The following KIAA1210 variants were observed in gnomAD, a reference collection of about 807,000 sequenced individuals.
The protein encoded by KIAA1210 is acrosomal protein KIAA1210.
In KIAA1210, 48 loss-of-function variants were observed where a neutral mutation model predicts 78.9. That is an observed-to-expected ratio of 0.61 (90% confidence interval 0.48 to 0.77). The LOEUF (loss-of-function observed/expected upper bound fraction) is 0.77, where lower values mean the gene tolerates loss of function less well. Ranked by LOEUF, KIAA1210 falls within the 30% of genes least tolerant of loss-of-function variation. KIAA1210 has a pLI of 0.00. For synonymous variants in KIAA1210, 406 were observed against 404.5 expected (o/e 1.00, Z -0.04); for missense variants, 1,108 against 1,100.0 (o/e 1.01, Z -0.10).
chrX:119,081,575 T>C (rs754189060), intron 11 of KIAA1210, 71 bp from the exon 12 acceptor site: 45 of 993,752 alleles, frequency 4.5e-5, no homozygotes, highest in Non-Finnish European at 5.4e-5. Context: ...GTTTATGGAA[T>C]GCCATATAAT....
Position 119,109,151 on chromosome X carries a change from C to A in KIAA1210, c.282G>T (p.Met94Ile), listed in dbSNP as rs762828967. Reference sequence around the variant, plus strand: ...CTGATCTTTCAGGCTCAGGACCCAACATGAAGATGCTATCATGGGATAGGG... The same window carrying A: ...CTGATCTTTCAGGCTCAGGACCCAAAATGAAGATGCTATCATGGGATAGGG... ...SKALSHDSIF[M>I]LGPEPERSAS... Residue 94 changes from methionine to isoleucine, a missense_variant, in exon 4 of 12, where the codon ATG (methionine) becomes ATT (isoleucine). Around this residue, in one of 5 missense-constraint regions of KIAA1210, gnomAD observed 672 missense variants for 607.1 expected, o/e 1.11. Coordinates refer to ENST00000691062, the MANE Select transcript of KIAA1210 (RefSeq NM_001394962.1). 1.1e-5 allele frequency: 13 copies of A among 1,206,927 alleles called. No homozygotes were observed. The Admixed American group carries it at 2.0e-4, about 18-fold the overall frequency.
chrX:119,086,521 C>T (rs1927138189), intron 9 of KIAA1210, 25 bp downstream of exon 9: 1 of 1,150,728 alleles, frequency 8.7e-7, no homozygotes, highest in Non-Finnish European at 1.2e-6. Context: ...TATCTGCTTG[C>T]CATCTGGAGA....
At chrX:119,115,804 T>A (rs1461529039) in intron 3 of KIAA1210, among the ~76,000 whole-genome samples, 1 of 111,795 alleles carries the variant, frequency 8.9e-6, no homozygotes, top group East Asian at 2.8e-4. Context: ...CACAATAGGA[T>A]GTGGAAATTT....
chrX:119,150,455 T>A, exon 1 of KIAA1210: 1 of 1,211,753 alleles, frequency 8.3e-7, no homozygotes, highest in East Asian at 3.0e-5. Flanking sequence ...GCCTTGGGAA[T>A]ACGCTCGACT....
chrX:119,133,728 G>C (rs1312574039), intron 2 of KIAA1210, among the ~76,000 whole-genome samples: 1 of 107,347 alleles, frequency 9.3e-6, no homozygotes, highest in Non-Finnish European at 1.9e-5. Flanking sequence ...GAGTGCAGTG[G>C]TGGAGGAGAA....
Position 119,079,047 on chromosome X carries a change from A to G in KIAA1210, c.*2282T>C, listed in dbSNP as rs1433094943. On this transcript the variant is annotated 3_prime_UTR_variant, in exon 12 of 12. Coordinates refer to ENST00000691062, the MANE Select transcript of KIAA1210 (RefSeq NM_001394962.1). ...TGGGAATACAAAGGAAATAAAATTC[A>G]CTCAATCAAAATAGCATTATCAAAA... 1 of 112,866 alleles carries G rather than the reference A, an allele frequency of 8.9e-6. No individual in the cohort carries two copies. The highest frequency in any genetic ancestry group is 3.2e-5 in the African/African-American group (1 of 31,073). 9.3% of individuals were successfully genotyped at this position (112,866 alleles called of 1,213,427 possible).
Position 119,081,336 on chromosome X carries a change from G to A in KIAA1210, c.4595C>T (p.Thr1532Met), listed in dbSNP as rs377275386. ...AKAWSHMAEI[T>M]Q ...GCTCCACACAAGAGCTCTTTATTGC[G>A]TGATTTCTGCCATGTGGCTCCATGC... is the stretch of plus-strand genomic sequence containing the variant. The change falls in exon 12 of 12, where the codon ACG becomes ATG. Residue 1532 changes from threonine (T) to methionine (M), a missense_variant. Thr to Met is a moderately conservative substitution (Grantham distance 81). Coordinates refer to ENST00000691062, the MANE Select transcript of KIAA1210 (RefSeq NM_001394962.1). The A allele has an allele frequency of 1.0e-4, 123 of 1,186,591 alleles. No individual in the cohort carries two copies. Among genetic ancestry groups the A allele is most frequent in the Admixed American group, 6.5e-4 (28 of 42,985 alleles).
In KIAA1210 at chrX:119,108,346, C is replaced by G. The variant is rs1927953079; in HGVS notation, c.483G>C (p.Lys161Asn). Residue 161 changes from lysine to asparagine, a missense_variant, in exon 5 of 12, where the codon AAG becomes AAC. By Grantham distance (94) the Lys-to-Asn change is moderately conservative. Transcript: ENST00000691062. ...PTSAVWVAGP[K>N]ITENPPSRRR... is the part of the protein sequence containing the mutation. ...AATTCCACTTTGTTACCTCAGTGAT[C>G]TTGGGGCCAGCAACCCAGACTGCAC... The G allele has an allele frequency of 2.5e-6, 3 of 1,207,505 alleles. No homozygotes were observed. Among genetic ancestry groups the G allele is most frequent in the Non-Finnish European group, 3.4e-6 (3 of 894,206 alleles).
At chrX:119,100,483 C>A (rs759764522) in intron 6 of KIAA1210, among the ~76,000 whole-genome samples, 9 of 110,949 alleles carry the variant, frequency 8.1e-5, no homozygotes, top group African/African-American at 2.9e-4. Flanking sequence ...TTTCCATCCT[C>A]ACTCCCCTCC....
At chrX:119,091,474 C>G (rs980221938) in intron 8 of KIAA1210, among the ~76,000 whole-genome samples, 69 of 112,278 alleles carry the variant, frequency 6.1e-4, no homozygotes, top group African/African-American at 2.2e-3. Flanking sequence ...ATGGAATCAA[C>G]CTAAGTGCCC....
chrX:119,097,505 C>T (rs1002669597), intron 6 of KIAA1210, among the ~76,000 whole-genome samples: 4 of 112,114 alleles, frequency 3.6e-5, no homozygotes, highest in African/African-American at 9.7e-5. Flanking sequence ...AGCTGATAAA[C>T]TGTCTCTGCT....
chrX:119,138,730 C>A (rs1321195736), intron 2 of KIAA1210, among the ~76,000 whole-genome samples: 1 of 111,654 alleles, frequency 9.0e-6, no homozygotes, highest in Non-Finnish European at 1.9e-5. Flanking sequence ...AGAAAAGTGG[C>A]AGTGAACCCC....
intron 2 of KIAA1210, among the ~76,000 whole-genome samples, chrX:119,117,402 T>C (rs1251966893): frequency 9.0e-6 from 1 of 110,647 alleles, no homozygotes; most frequent in Non-Finnish European, 1.9e-5. Flanking sequence ...ATGATGATCA[T>C]TGTGTGTGTT....
chrX:119,088,939 G>A lies in KIAA1210; in HGVS notation c.1763C>T (p.Pro588Leu). ...CCTTGAGGACTGAAAAAGGCTTCTG[G>A]GAGGCAGAGTCTTGGCATAAACATC... ...KGDVYAKTLP[P>L]RSLFQSSRKP... The change falls in exon 9 of 12, where the codon CCC becomes CTC. Residue 588 changes from proline to leucine, a missense_variant. Physicochemically the swap from Pro to Leu is moderately conservative, Grantham distance 98. Around this residue, in one of 5 missense-constraint regions of KIAA1210, gnomAD observed 672 missense variants for 607.1 expected, o/e 1.11. Transcript: ENST00000691062. 8.3e-7 allele frequency: 1 copy of A among 1,211,387 alleles called. No homozygotes were observed.
intron 2 of KIAA1210, among the ~76,000 whole-genome samples, chrX:119,144,836 G>C (rs551446810): frequency 8.9e-6 from 1 of 111,734 alleles, no homozygotes; most frequent in African/African-American, 3.3e-5. Context: ...TTGTTTTACA[G>C]ATGAGAAAAC....
At chrX:119,098,055 T>C (rs906922440) in intron 6 of KIAA1210, among the ~76,000 whole-genome samples, 2 of 111,934 alleles carry the variant, frequency 1.8e-5, no homozygotes, top group Non-Finnish European at 3.8e-5. Context: ...AGTGGTGTCA[T>C]AGTTCTGGTC....
At chrX:119,086,406 C>T in intron 9 of KIAA1210, 140 bp downstream of exon 9, 1 of 554,554 alleles carries the variant, frequency 1.8e-6, no homozygotes, top group South Asian at 3.7e-5. Flanking sequence ...CACTATTTTG[C>T]TCCCAAACTC....
rs1207371483 is a variant in KIAA1210 at position 119,088,282 on chromosome X, G to C, written c.2420C>G (p.Pro807Arg). 7.4e-6 allele frequency: 9 copies of C among 1,211,420 alleles called. No individual in the cohort carries two copies. Among genetic ancestry groups the C allele is most frequent in the Non-Finnish European group, 8.9e-6 (8 of 895,305 alleles). Reference sequence around the variant, plus strand: ...CATCAAGGGCTGGCAAAGAAGTTTAGGAGGCAGAGGCTTCATAGAAATGCT... The same window carrying C: ...CATCAAGGGCTGGCAAAGAAGTTTACGAGGCAGAGGCTTCATAGAAATGCT... ...EESISMKPLP[P>R]KLLCQPLMNP... is the part of the protein sequence containing the mutation. The change falls in exon 9 of 12, where the codon CCT becomes CGT. Residue 807 changes from proline (P) to arginine (R), a missense_variant. Physicochemically the swap from Pro to Arg is moderately radical, Grantham distance 103. This residue lies in a region of KIAA1210 where 672 missense variants were observed against 607.1 expected (regional missense o/e 1.11). Coordinates refer to ENST00000691062, the MANE Select transcript of KIAA1210 (RefSeq NM_001394962.1).
At chrX:119,082,983 G>GT in intron 11 of KIAA1210, 32 bp downstream of exon 11, 1 of 1,044,780 alleles carries the variant, frequency 9.6e-7, no homozygotes, top group South Asian at 2.1e-5. Context: ...TGTCGGGGCT[G>GT]TTTTTTGAGA....
Sources: gnomAD v4.1 joint callset for allele counts (sites outside exome capture counted in the v4.1 genomes callset) on GRCh38, gnomAD v4.1.1 for gene constraint, gnomAD v4.1.1 regional missense constraint, MANE v1.5 for transcripts, NCBI Gene and HGNC (gene_info 2026-07-23, HGNC 2026-07-21) for gene names.